PSMG2: variants seen among roughly 807,000 people sequenced by gnomAD.
PSMG2 encodes the protein CD40 ligand-activated specific transcript 3.
In PSMG2, 21 loss-of-function variants were observed where a neutral mutation model predicts 31.5. The observed-to-expected ratio is 0.67, with a 90% confidence interval of 0.47 to 0.96. The LOEUF is 0.96. PSMG2 is among the 40% of genes least tolerant of loss of function. PSMG2 has a pLI of 0.00. For missense variants in PSMG2, 318 were observed against 321.2 expected (o/e 0.99, Z 0.08); for synonymous variants, 120 against 110.4 (o/e 1.09, Z -0.54).
At chr18:12,719,308 G>A (rs1248680713) in intron 4 of PSMG2, among the ~76,000 whole-genome samples, 2 of 152,194 alleles carry the variant, frequency 1.3e-5, no homozygotes, top group Non-Finnish European at 2.9e-5. Flanking sequence ...GAGTATCCCA[G>A]AAATAGAACT....
chr18:12,718,928 T>C (rs2040403775), intron 4 of PSMG2, among the ~76,000 whole-genome samples: 1 of 152,180 alleles, frequency 6.6e-6, no homozygotes, highest in Non-Finnish European at 1.5e-5. Context: ...ATCACAGAGC[T>C]CAGCTAATTG....
intron 2 of PSMG2, among the ~76,000 whole-genome samples, chr18:12,707,148 G>A (rs1188051951): frequency 1.3e-5 from 2 of 151,960 alleles, no homozygotes; most frequent in Admixed American, 6.6e-5. Context: ...TAGTAGAGAC[G>A]GGGGTTTCAC....
chr18:12,702,627 G>A, upstream of PSMG2: 1 of 1,480,924 alleles, frequency 6.8e-7, no homozygotes. Context: ...GCCAGGGAGC[G>A]TTAGGAGCGA....
chr18:12,680,394 G>A (rs1216487740), intron 1 of PSMG2, among the ~76,000 whole-genome samples: 1 of 151,542 alleles, frequency 6.6e-6, no homozygotes, highest in African/African-American at 2.4e-5. Flanking sequence ...TCAGGAGTTC[G>A]AGACCAGCCT....
intron 1 of PSMG2, among the ~76,000 whole-genome samples, chr18:12,667,760 C>CAAA (rs67167827): frequency 5.6e-5 from 5 of 89,946 alleles, no homozygotes; most frequent in Non-Finnish European, 1.0e-4. Context: ...GACTCTTTCT[C>CAAA]AAAAAAAAAA....
intron 1 of PSMG2, among the ~76,000 whole-genome samples, chr18:12,665,821 C>T (rs895206212): frequency 6.6e-6 from 1 of 152,162 alleles, no homozygotes; most frequent in Non-Finnish European, 1.5e-5. Context: ...CCTCAGCCTC[C>T]CGAGTAGCTG....
intron 1 of PSMG2, chr18:12,678,037 C>T (rs2039206763): frequency 8.1e-7 from 1 of 1,231,934 alleles, no homozygotes; most frequent in East Asian, 2.3e-5. Flanking sequence ...GGCACTATCA[C>T]ACACACCAAA....
chr18:12,721,279 A>G (rs1348549793), intron 5 of PSMG2, among the ~76,000 whole-genome samples: 2 of 152,256 alleles, frequency 1.3e-5, no homozygotes, highest in African/African-American at 4.8e-5. Flanking sequence ...CTGGTTTCTC[A>G]AAAGCCATAT....
At chr18:12,698,812 A>T (rs535025049), upstream of PSMG2, 113 of 596,894 alleles carry the variant, frequency 1.9e-4, no homozygotes, top group African/African-American at 1.9e-3. Flanking sequence ...CAAACAGAAT[A>T]TTGCAAGAAG....
chr18:12,722,848 G>A (rs926827652), intron 5 of PSMG2, among the ~76,000 whole-genome samples: 3 of 152,212 alleles, frequency 2.0e-5, no homozygotes, highest in Non-Finnish European at 4.4e-5. Flanking sequence ...GCATACCCCT[G>A]CGCTTTCCAA....
At chr18:12,695,893 TAGAA>T (rs1375554832) in intron 1 of PSMG2, among the ~76,000 whole-genome samples, 1 of 143,846 alleles carries the variant, frequency 7.0e-6, no homozygotes, top group East Asian at 2.1e-4. Context: ...CACTAAAAAT[TAGAA>T]AGCATTTATA....
rs117768267 is a variant in PSMG2 at position 12,711,418 on chromosome 18, G to A, written c.230-1284G>A. Among the ~76,000 whole-genome samples, 10 of 152,310 alleles carry A rather than the reference G, an allele frequency of 6.6e-5. No homozygotes were observed. The East Asian group carries it at 1.7e-3, about 26-fold the overall frequency. On this transcript the variant is annotated intron_variant, in intron 2 of 6. Transcript: ENST00000317615. Reference sequence around the variant, plus strand: ...AGGTCAGTTGAATTGGACTACATGTGTTTGTCACAGATAGGTTAGAGGCTG... The same window carrying A: ...AGGTCAGTTGAATTGGACTACATGTATTTGTCACAGATAGGTTAGAGGCTG...
rs142832499 is a variant in PSMG2, at chr18:12,678,132, G to A, written c.-37+19359G>A. 1.9e-4 allele frequency: 313 copies of A among 1,612,836 alleles called. No homozygotes were observed. In the African/African-American group the frequency reaches 4.0e-3, roughly 21 times the overall value. On this transcript the variant is annotated intron_variant, in intron 1 of 6. Coordinates refer to the PSMG2 transcript ENST00000585331. The stretch of plus-strand genomic sequence containing the variant: ...ACCTTCCTGTGTTCTGACACCAGGA[G>A]CCTCAGCTGCATTTCAATTTCATTA...
At chr18:12,713,758 A>T (rs2040352379) in intron 3 of PSMG2, among the ~76,000 whole-genome samples, 1 of 151,694 alleles carries the variant, frequency 6.6e-6, no homozygotes, top group Non-Finnish European at 1.5e-5. Context: ...CAAACTCAAT[A>T]ATTTCTTTCT....
At chr18:12,719,376 C>T (rs574083242) in intron 4 of PSMG2, among the ~76,000 whole-genome samples, 1 of 152,254 alleles carries the variant, frequency 6.6e-6, no homozygotes, top group Admixed American at 6.5e-5. Flanking sequence ...CTCTTATACT[C>T]TAAGATGTAG....
At chr18:12,681,006 C>T (rs1229116480) in intron 1 of PSMG2, among the ~76,000 whole-genome samples, 1 of 152,070 alleles carries the variant, frequency 6.6e-6, no homozygotes, top group Non-Finnish European at 1.5e-5. Context: ...CAAGACCAGC[C>T]TGGCCAACAT....
chr18:12,658,945 G>A (rs1324696572), intron 1 of PSMG2: 2 of 221,646 alleles, frequency 9.0e-6, no homozygotes, highest in Non-Finnish European at 1.9e-5. Context: ...AATGTCTCAA[G>A]TACCACACTC....
intron 1 of PSMG2, among the ~76,000 whole-genome samples, chr18:12,660,286 T>G (rs7233175): frequency 0.24 from 35,985 of 151,678 alleles, 4,960 homozygotes; most frequent in Non-Finnish European, 0.32. Flanking sequence ...TTCTTCTTTT[T>G]TTAGTCATCC....
At position 12,686,237 on chromosome 18, in the gene PSMG2, T is replaced by TA. The variant is rs1273630033; in HGVS notation, c.-36-20311dup. On this transcript the variant is annotated intron_variant, in intron 1 of 6. Transcript: ENST00000585331. ...AGAGTAACTATGATATACTGCTACT[T>TA]AATTCTATTATGTGTGTATAATACC... The TA allele has an allele frequency of 2.5e-6, 4 of 1,572,996 alleles. No homozygotes were observed. In the African/African-American group the frequency reaches 5.4e-5, roughly 21 times the overall value.
Sources: gnomAD v4.1 joint callset for allele counts (sites outside exome capture counted in the v4.1 genomes callset) on GRCh38, gnomAD v4.1.1 for gene constraint, MANE v1.5 for transcripts, NCBI Gene and HGNC (gene_info 2026-07-23, HGNC 2026-07-21) for gene names.